ANK3: variants seen among roughly 807,000 people sequenced by gnomAD.
ANK3 encodes the protein ankyrin-3.
In ANK3, 57 loss-of-function variants were observed where a neutral mutation model predicts 370.9. The ratio of observed to expected loss-of-function variants is 0.15; its 90% CI spans 0.12 to 0.19. The LOEUF (loss-of-function observed/expected upper bound fraction) is 0.19, where lower values mean the gene tolerates loss of function less well. Among genes scored for constraint, ANK3 ranks in the 10% least tolerant of loss-of-function variants. ANK3 has a pLI of 1.00. For missense variants in ANK3, 4,439 were observed against 5,302.1 expected (o/e 0.84, Z 5.06); for synonymous variants, 1,929 against 1,946.3 (o/e 0.99, Z 0.23).
At chr10:60,564,955 A>G (rs1266096598) in intron 2 of ANK3, among the ~76,000 whole-genome samples, 1 of 152,136 alleles carries the variant, frequency 6.6e-6, no homozygotes, top group African/African-American at 2.4e-5. Context: ...CTAAACATAT[A>G]AACATTTTTC....
intron 8 of ANK3, among the ~76,000 whole-genome samples, chr10:60,227,783 A>G (rs2097185510): frequency 6.6e-6 from 1 of 152,062 alleles, no homozygotes; most frequent in African/African-American, 2.4e-5. Flanking sequence ...TTTCCCCCGC[A>G]TTATACTCGT....
At chr10:60,065,027 T>G (rs1034100169) in intron 38 of ANK3, among the ~76,000 whole-genome samples, 2 of 152,210 alleles carry the variant, frequency 1.3e-5, no homozygotes, top group East Asian at 3.8e-4. Context: ...GCAATCTTCA[T>G]GAAGGTATCT....
intron 2 of ANK3, among the ~76,000 whole-genome samples, chr10:60,495,742 A>G (rs1439306621): frequency 6.6e-6 from 1 of 152,186 alleles, no homozygotes; most frequent in Admixed American, 6.5e-5. Context: ...AGAAGAGGAA[A>G]TCAATTTGCA....
chr10:60,064,427 A>G (rs2081214848), intron 38 of ANK3, 139 bp from the exon 39 acceptor site: 1 of 874,304 alleles, frequency 1.1e-6, no homozygotes, highest in East Asian at 2.8e-5. Context: ...ATTAATTTTT[A>G]TATACTTGGC....
intron 23 of ANK3, chr10:60,146,155 G>A (rs1053161258): frequency 3.1e-6 from 4 of 1,290,720 alleles, no homozygotes; most frequent in South Asian, 3.2e-5. Flanking sequence ...ATGTAGATAC[G>A]AAGATGTGTT....
intron 1 of ANK3, among the ~76,000 whole-genome samples, chr10:60,386,288 G>T (rs1051166110): frequency 3.3e-5 from 5 of 152,042 alleles, no homozygotes; most frequent in Admixed American, 1.3e-4. Flanking sequence ...AAGGGCAGTG[G>T]GAAAGTATGG....
At chr10:60,433,488 G>A (rs2064083429) in intron 2 of ANK3, among the ~76,000 whole-genome samples, 1 of 152,164 alleles carries the variant, frequency 6.6e-6, no homozygotes, top group East Asian at 1.9e-4. Flanking sequence ...GCCATGTTGG[G>A]AGGCTGAGGC....
intron 7 of ANK3, among the ~76,000 whole-genome samples, chr10:60,240,598 C>G: frequency 6.6e-6 from 1 of 151,092 alleles, no homozygotes; most frequent in Admixed American, 6.6e-5. Context: ...GCCACCACAC[C>G]CAGTCAATTT....
At chr10:60,354,872 T>A (rs1407804985) in intron 1 of ANK3, among the ~76,000 whole-genome samples, 1 of 152,318 alleles carries the variant, frequency 6.6e-6, no homozygotes, top group African/African-American at 2.4e-5. Flanking sequence ...TTTTCTTTTG[T>A]ATTTTTTGAT....
At chr10:60,136,944 A>G (rs1306247845) in intron 24 of ANK3, among the ~76,000 whole-genome samples, 2 of 152,204 alleles carry the variant, frequency 1.3e-5, no homozygotes, top group African/African-American at 2.4e-5. Flanking sequence ...AGGAAGTGTT[A>G]GAAAAACATG....
chr10:60,699,614 A>T (rs1156831901), intron 1 of ANK3, among the ~76,000 whole-genome samples: 1 of 152,004 alleles, frequency 6.6e-6, no homozygotes, highest in Non-Finnish European at 1.5e-5. Flanking sequence ...CAAGAAGCAT[A>T]ATATAATGAT....
chr10:60,586,041 C>CA (rs2077826345), intron 2 of ANK3, among the ~76,000 whole-genome samples: 4 of 135,500 alleles, frequency 3.0e-5, no homozygotes, highest in African/African-American at 7.8e-5. Context: ...AAAACAAAAA[C>CA]AAACAAACAA....
intron 2 of ANK3, among the ~76,000 whole-genome samples, chr10:60,516,185 G>A (rs1475390829): frequency 6.6e-6 from 1 of 151,964 alleles, no homozygotes; most frequent in African/African-American, 2.4e-5. Context: ...AGTCATCTGA[G>A]GACTCAATTC....
intron 1 of ANK3, among the ~76,000 whole-genome samples, chr10:60,649,419 G>A (rs2078757878): frequency 6.6e-6 from 1 of 152,032 alleles, no homozygotes; most frequent in Non-Finnish European, 1.5e-5. Flanking sequence ...ATATGTTTAT[G>A]GGAACAGTAC....
chr10:60,316,058 T>A (rs2047345957), intron 1 of ANK3, among the ~76,000 whole-genome samples: 1 of 152,008 alleles, frequency 6.6e-6, no homozygotes, highest in Non-Finnish European at 1.5e-5. Flanking sequence ...TCCCTCAACA[T>A]CAAAAACCTG....
intron 1 of ANK3, among the ~76,000 whole-genome samples, chr10:60,371,825 T>C (rs1171204840): frequency 6.6e-6 from 1 of 152,160 alleles, no homozygotes; most frequent in African/African-American, 2.4e-5. Flanking sequence ...TCTGTTCTAG[T>C]GAATTTTAGT....
intron 2 of ANK3, among the ~76,000 whole-genome samples, chr10:60,514,822 T>C (rs149012750): frequency 1.2e-4 from 18 of 152,228 alleles, no homozygotes; most frequent in Non-Finnish European, 2.4e-4. Context: ...TGTCAACTTA[T>C]CTGACTCAAA....
intron 2 of ANK3, among the ~76,000 whole-genome samples, chr10:60,554,566 A>T (rs766638544): frequency 6.6e-6 from 1 of 152,200 alleles, no homozygotes; most frequent in Non-Finnish European, 1.5e-5. Context: ...AAGTAAATGA[A>T]TGCATTCTAA....
intron 8 of ANK3, among the ~76,000 whole-genome samples, chr10:60,221,691 A>G (rs2132487415): frequency 6.6e-6 from 1 of 152,318 alleles, no homozygotes; most frequent in Middle Eastern, 3.4e-3. Flanking sequence ...GGCTGCACGC[A>G]CCAAATTTAG....
Sources: allele counts gnomAD v4.1 joint callset (sites outside exome capture counted in the v4.1 genomes callset), GRCh38; gene constraint gnomAD v4.1.1; transcripts MANE v1.5; gene names NCBI Gene and HGNC (gene_info 2026-07-23, HGNC 2026-07-21).